Variants in ADGRE2 observed in about 807,000 individuals in gnomAD.
ADGRE2 encodes the protein adhesion G protein-coupled receptor E2.
ADGRE2 carries 83 observed loss-of-function variants against 100.8 expected under a neutral mutation model. That is an observed-to-expected ratio of 0.82 (90% CI 0.69 to 0.99). ADGRE2 has a LOEUF of 0.99. Among genes scored for constraint, ADGRE2 ranks in the 50% least tolerant of loss-of-function variants. The pLI is 0.00. For synonymous variants in ADGRE2, 355 were observed against 413.0 expected (o/e 0.86, Z 1.70); for missense variants, 814 against 1,035.7 (o/e 0.79, Z 2.94).
chr19:14,743,353 T>C, intron 20 of ADGRE2, 67 bp downstream of exon 20: 1 of 1,284,802 alleles, frequency 7.8e-7, no homozygotes, highest in African/African-American at 1.5e-5. Context: ...GGTTTCCTTG[T>C]GTGATAGGCA....
At chr19:14,725,529 G>T in the ADGRE2 span, among the ~76,000 whole-genome samples, 1 of 152,130 alleles carries the variant, frequency 6.6e-6, no homozygotes, top group Non-Finnish European at 1.5e-5. Flanking sequence ...CCTTCCCCGT[G>T]AGCCTGTGAA....
At position 14,751,424 on chromosome 19, in the gene ADGRE2, A is replaced by C. The variant is rs761330448; in HGVS notation, c.2024+12T>G. 1.3e-6 allele frequency: 2 copies of C among 1,599,620 alleles called. No homozygotes were observed. The highest frequency in any genetic ancestry group is 4.5e-5 in the East Asian group (2 of 44,812). ...GCCGGAGAAGATAAGGATTGTGAGAATTTGCACTAACCGGGAAGGTGTTCC... is the reference window on the plus strand; with the variant it reads ...GCCGGAGAAGATAAGGATTGTGAGACTTTGCACTAACCGGGAAGGTGTTCC... On this transcript the variant is annotated intron_variant, in intron 16 of 20. Transcript: ENST00000315576.
At chr19:14,754,837 A>G in intron 14 of ADGRE2, 117 bp downstream of exon 14, 1 of 1,161,068 alleles carries the variant, frequency 8.6e-7, no homozygotes. Flanking sequence ...TTGCTATGCC[A>G]GCTTGCTGAC....
chr19:14,746,872 GGATGCTCAGAT>G lies in ADGRE2; in HGVS notation c.2091+13_2091+23del. The G allele has an allele frequency of 1.2e-6, 2 of 1,609,144 alleles. No homozygotes were observed. The highest frequency in any genetic ancestry group is 1.7e-6 in the Non-Finnish European group (2 of 1,176,014). ...CTAATGACCCTCAGCGGGGCAGCGA[GGATGCTCAGAT>G]GATGTCACTCACAGAGAAGATGGCG... On this transcript the variant is annotated intron_variant, in intron 17 of 20. Transcript: ENST00000315576.
downstream of ADGRE2, among the ~76,000 whole-genome samples, chr19:14,729,361 T>G (rs1031807887): frequency 1.4e-4 from 18 of 125,356 alleles, no homozygotes; most frequent in African/African-American, 5.5e-4. Context: ...AACGATACAC[T>G]TTTTTTTTTT....
chr19:14,731,389 C>A (rs529622644), downstream of ADGRE2: 72 of 595,122 alleles, frequency 1.2e-4, no homozygotes, highest in South Asian at 1.5e-3. Flanking sequence ...GGAGCTTAGT[C>A]ACATACTTCT....
intron 15 of ADGRE2, among the ~76,000 whole-genome samples, chr19:14,751,913 AT>A (rs1465827672): frequency 1.4e-3 from 118 of 84,964 alleles, no homozygotes; most frequent in Non-Finnish European, 2.1e-3. Context: ...ACACACACAC[AT>A]ATATATATAT....
At position 14,751,700 on chromosome 19, in the gene ADGRE2, C is replaced by T. The variant is rs187998307; in HGVS notation, c.1789-29G>A. On this transcript the variant is annotated intron_variant, in intron 15 of 20. Coordinates refer to ENST00000315576, the MANE Select transcript of ADGRE2 (RefSeq NM_013447.4). ...GCGGAGAAGTAAAAGACGCCCAGAG[C>T]GGCGATCAGATTTGAGTGTGGCCCA... 2.4e-3 allele frequency: 3,708 copies of T among 1,573,570 alleles called. 116 individuals carry two copies. The East Asian group carries it at 0.063, about 27-fold the overall frequency.
chr19:14,755,860 G>C lies in ADGRE2; in HGVS notation c.1210C>G (p.Leu404Val). Reference sequence around the variant, plus strand: ...TTGCCCATCCCTGGAATGGAGACAAGGCCCACCACAGAAGGGCCTGCAGGG... The same window carrying C: ...TTGCCCATCCCTGGAATGGAGACAACGCCCACCACAGAAGGGCCTGCAGGG... Reference protein sequence around the residue: ...SGDPGPSVVGLVSIPGMGKLL... With the variant: ...SGDPGPSVVGVVSIPGMGKLL... Residue 404 changes from leucine (L) to valine (V), a missense_variant, in exon 13 of 21, where the codon CTT becomes GTT. Around this residue, in one of 5 missense-constraint regions of ADGRE2, gnomAD observed 569 missense variants for 692.7 expected, o/e 0.82. Transcript: ENST00000315576. 6.2e-7 allele frequency: 1 copy of C among 1,614,040 alleles called. No individual in the cohort carries two copies. Among genetic ancestry groups the C allele is most frequent in the Non-Finnish European group, 8.5e-7 (1 of 1,180,014 alleles).
intron 4 of ADGRE2, among the ~76,000 whole-genome samples, chr19:14,772,952 G>A: frequency 6.6e-6 from 1 of 151,504 alleles, no homozygotes; most frequent in Non-Finnish European, 1.5e-5. Context: ...GGTGGTGCAT[G>A]CCTGTAATCC....
intron 11 of ADGRE2, among the ~76,000 whole-genome samples, chr19:14,761,551 A>G (rs1178877491): frequency 2.0e-5 from 3 of 151,822 alleles, no homozygotes; most frequent in Non-Finnish European, 2.9e-5. Flanking sequence ...ATCAGCCCCT[A>G]TATCATTTTT....
At chr19:14,774,444 G>A in intron 2 of ADGRE2, 138 bp from the exon 3 acceptor site, 1 of 1,469,360 alleles carries the variant, frequency 6.8e-7, no homozygotes. Context: ...AGAGTGAGCA[G>A]ATGTCACGTC....
intron 13 of ADGRE2, 144 bp from the exon 14 acceptor site, chr19:14,755,271 TAAA>T (rs35861940): frequency 2.7e-3 from 1,005 of 369,818 alleles, no homozygotes; most frequent in Admixed American, 7.1e-3. Context: ...CCATCTCTAC[TAAA>T]AAAAAAAAAA....
chr19:14,744,335 G>T (rs1012539595), intron 18 of ADGRE2, among the ~76,000 whole-genome samples: 1 of 152,140 alleles, frequency 6.6e-6, no homozygotes, highest in East Asian at 1.9e-4. Context: ...ATACAACCAG[G>T]CATGACACAC....
intron 4 of ADGRE2, 39 bp from the exon 5 acceptor site, chr19:14,772,536 G>A (rs1374707388): frequency 9.3e-6 from 15 of 1,609,480 alleles, no homozygotes; most frequent in Non-Finnish European, 1.3e-5. Flanking sequence ...TCCCAAAGAT[G>A]TGAGTTCCGT....
intron 20 of ADGRE2, among the ~76,000 whole-genome samples, chr19:14,738,383 T>A (rs562967055): frequency 6.6e-6 from 1 of 151,904 alleles, no homozygotes; most frequent in Non-Finnish European, 1.5e-5. Flanking sequence ...ACTGAATTCC[T>A]TTTTTTTCCC....
intron 20 of ADGRE2, among the ~76,000 whole-genome samples, chr19:14,736,609 G>A (rs1370998426): frequency 6.8e-6 from 1 of 147,252 alleles, no homozygotes; most frequent in Non-Finnish European, 1.5e-5. Flanking sequence ...GATATATTTA[G>A]AAGTATATAG....
intron 2 of ADGRE2, 114 bp from the exon 3 acceptor site, chr19:14,774,420 C>A (rs547388687): frequency 0.029 from 44,160 of 1,510,136 alleles, 904 homozygotes; most frequent in Non-Finnish European, 0.032. Flanking sequence ...TCAGATCCTG[C>A]CCATCGTTCA....
At chr19:14,748,068 T>G (rs2043145274) in intron 16 of ADGRE2, among the ~76,000 whole-genome samples, 1 of 152,056 alleles carries the variant, frequency 6.6e-6, no homozygotes, top group African/African-American at 2.4e-5. Context: ...TACAGATTAT[T>G]TCGTCACCCT....
Sources: gnomAD v4.1 joint callset for allele counts (sites outside exome capture counted in the v4.1 genomes callset) on GRCh38, gnomAD v4.1.1 for gene constraint, gnomAD v4.1.1 regional missense constraint, MANE v1.5 for transcripts, NCBI Gene and HGNC (gene_info 2026-07-23, HGNC 2026-07-21) for gene names.